The following UBAP2 variants were observed in gnomAD, a reference collection of about 807,000 sequenced individuals.
UBAP2 encodes ubiquitin associated protein 2, also known as ubiquitin-associated protein 2.
Under a neutral mutation model 139.6 loss-of-function variants are expected in UBAP2, and 75 were observed. The ratio of observed to expected loss-of-function variants is 0.54; its 90% CI spans 0.45 to 0.65. The LOEUF (loss-of-function observed/expected upper bound fraction) is 0.65, where lower values mean the gene tolerates loss of function less well. Among genes scored for constraint, UBAP2 ranks in the 30% least tolerant of loss-of-function variants. UBAP2 has a pLI of 0.00. For missense variants in UBAP2, 1,368 were observed against 1,369.6 expected (o/e 1.00, Z 0.02); for synonymous variants, 526 against 526.2 (o/e 1.00, Z 0.01).
chr9:33,922,974 T>A lies in UBAP2; in HGVS notation c.3064A>T (p.Lys1022Ter). The change falls in exon 27 of 29, where the codon AAG (lysine) becomes TAG (stop). Residue 1022 changes from lysine (K) to a stop codon, truncating the protein, a stop_gained. Coordinates refer to ENST00000379238, the MANE Select transcript of UBAP2 (RefSeq NM_001370062.2). LOFTEE classifies it high-confidence loss of function. ...CCACCTTTGTCCCTCACCTGTGTCT[T>A]ATTGTAGACAGAACCAGTCATATCA... ...LPDMTGSVYN[K>*]TQTFDKQGFH... 1 of 1,614,144 alleles carries A rather than the reference T, an allele frequency of 6.2e-7. No individual in the cohort carries two copies. The highest frequency in any genetic ancestry group is 8.5e-7 in the Non-Finnish European group (1 of 1,180,000).
At chr9:33,978,523 A>G (rs1332827131) in intron 6 of UBAP2, among the ~76,000 whole-genome samples, 1 of 152,214 alleles carries the variant, frequency 6.6e-6, no homozygotes, top group East Asian at 1.9e-4. Flanking sequence ...CTGTAATCCT[A>G]GCACTTTACG....
Position 33,980,555 on chromosome 9 carries a change from T to C in UBAP2, c.520+6205A>G, listed in dbSNP as rs575324141. Among the ~76,000 whole-genome samples the C allele has an allele frequency of 3.3e-3, 508 of 152,130 alleles. 7 individuals carry two copies. The highest frequency in any genetic ancestry group is 0.012 in the African/African-American group (490 of 41,532). On this transcript the variant is annotated intron_variant, in intron 6 of 28. Transcript: ENST00000379238. ...CGCACCCGGCGAGCGTCATTTCTAA[T>C]ACATAAACACACTCAACTACAGCAA... is the stretch of plus-strand genomic sequence containing the variant.
chr9:34,023,232 A>AT (rs1244480592), intron 1 of UBAP2, among the ~76,000 whole-genome samples: 1 of 152,022 alleles, frequency 6.6e-6, no homozygotes, highest in Non-Finnish European at 1.5e-5. Context: ...AAAAAAAAAA[A>AT]AAGAAAGAAA....
rs562051071 is a variant in UBAP2, at chr9:33,945,662, A to T, written c.1271-1023T>A. Among the ~76,000 whole-genome samples, 4 of 152,324 alleles carry T rather than the reference A, an allele frequency of 2.6e-5. No homozygotes were observed. In the South Asian group the frequency reaches 8.3e-4, roughly 32 times the overall value. On this transcript the variant is annotated intron_variant, in intron 13 of 28. Coordinates refer to ENST00000379238, the MANE Select transcript of UBAP2 (RefSeq NM_001370062.2). ...ACTATATCACAATATATATAGACAGACAGACAGACAGACATATATATACAC... is the reference window on the plus strand; with the variant it reads ...ACTATATCACAATATATATAGACAGTCAGACAGACAGACATATATATACAC...
chr9:34,034,875 C>A (rs1785508), intron 1 of UBAP2, among the ~76,000 whole-genome samples: 146,973 of 151,962 alleles, frequency 0.97, 71,161 homozygotes, highest in Non-Finnish European at 1. Context: ...AATCTCAAAA[C>A]AAACAAACAA....
At position 33,972,510 on chromosome 9, in the gene UBAP2, C is replaced by G. The variant is rs187126580; in HGVS notation, c.575+673G>C. ...AAGGCATTAACACCAAGAGTGCTGC[C>G]TGAAGTTAGAGAGAGACAAAGGGCT... On this transcript the variant is annotated intron_variant, in intron 7 of 28. Transcript: ENST00000379238. 7.9e-5 allele frequency among the ~76,000 whole-genome samples: 12 copies of G among 152,300 alleles called. No individual in the cohort carries two copies. The East Asian group carries it at 2.1e-3, about 27-fold the overall frequency.
intron 2 of UBAP2, among the ~76,000 whole-genome samples, chr9:34,016,281 AGAG>A (rs1261847573): frequency 0.11 from 2,461 of 23,374 alleles, 90 homozygotes; most frequent in Non-Finnish European, 0.16. Flanking sequence ...AGAAGGAGGA[AGAG>A]GAGGAGGAGG....
intron 18 of UBAP2, 148 bp from the exon 19 acceptor site, chr9:33,932,776 C>G: frequency 1.2e-6 from 1 of 817,036 alleles, no homozygotes; most frequent in South Asian, 1.7e-5. Flanking sequence ...CTTATCCCCA[C>G]AGAGCCCAGT....
chr9:33,941,806 G>C lies in UBAP2; in HGVS notation c.1772C>G (p.Thr591Arg). 6.2e-7 allele frequency: 1 copy of C among 1,613,788 alleles called. No individual in the cohort carries two copies. Among genetic ancestry groups the C allele is most frequent in the Non-Finnish European group, 8.5e-7 (1 of 1,179,888 alleles). Reference protein sequence around the residue: ...MTSAVQNSTYTTSVITSCSLT... With the variant: ...MTSAVQNSTYRTSVITSCSLT... The stretch of plus-strand genomic sequence containing the variant: ...ACTGCAGGAGGTAATGACGGAAGTT[G>C]TATATGTGGAGTTCTGTACTGCACT... The change falls in exon 16 of 29, where the codon ACA (threonine) becomes AGA (arginine). Residue 591 changes from threonine (T) to arginine (R), a missense_variant. Physicochemically the swap from Thr to Arg is moderately conservative, Grantham distance 71. Coordinates refer to ENST00000379238, the MANE Select transcript of UBAP2 (RefSeq NM_001370062.2).
chr9:33,963,770 T>C lies in UBAP2; in HGVS notation c.701A>G (p.Asn234Ser), dbSNP rs201395688. The change falls in exon 9 of 29, where the codon AAC becomes AGC. Residue 234 changes from asparagine to serine, a missense_variant. By Grantham distance (46) the Asn-to-Ser change is conservative. Coordinates refer to ENST00000379238, the MANE Select transcript of UBAP2 (RefSeq NM_001370062.2). ...EGTELASNTH[N>S]IAQDLSNKSS... The stretch of plus-strand genomic sequence containing the variant: ...TTTGTTTGACAGATCCTGAGCTATG[T>C]TGTGAGTATTTGATGCCAGTTCTGT... 304 of 1,612,502 alleles carry C rather than the reference T, an allele frequency of 1.9e-4. No individual in the cohort carries two copies. The highest frequency in any genetic ancestry group is 2.0e-4 in the Non-Finnish European group (235 of 1,178,858).
intron 8 of UBAP2, among the ~76,000 whole-genome samples, chr9:33,964,717 A>G (rs575455412): frequency 1.3e-5 from 2 of 152,254 alleles, no homozygotes; most frequent in African/African-American, 4.8e-5. Flanking sequence ...ATCTCTTAAA[A>G]AAAAAAGAAG....
At chr9:33,923,127 G>C in intron 26 of UBAP2, 59 bp downstream of exon 26, 3 of 1,607,256 alleles carry the variant, frequency 1.9e-6, no homozygotes, top group Non-Finnish European at 2.6e-6. Flanking sequence ...GCCTGAGAGG[G>C]GATCAGGCAG....
intron 1 of UBAP2, among the ~76,000 whole-genome samples, chr9:34,025,242 C>T (rs772433207): frequency 2.0e-5 from 3 of 152,140 alleles, no homozygotes; most frequent in Non-Finnish European, 4.4e-5. Context: ...ACCCAGTTGC[C>T]AGACCATAGG....
At chr9:33,923,619 G>A (rs1273241487) in intron 24 of UBAP2, 141 bp from the exon 25 acceptor site, 5 of 1,050,650 alleles carry the variant, frequency 4.8e-6, no homozygotes, top group Non-Finnish European at 2.9e-6. Context: ...AACACATGCT[G>A]GATCTAAACA....
intron 6 of UBAP2, among the ~76,000 whole-genome samples, chr9:33,974,655 T>A (rs1828160328): frequency 6.7e-6 from 1 of 150,134 alleles, no homozygotes; most frequent in South Asian, 2.1e-4. Flanking sequence ...AAATACTCCA[T>A]TCAAAATGGG....
At chr9:33,967,890 G>T (rs966574542) in intron 8 of UBAP2, among the ~76,000 whole-genome samples, 1 of 152,148 alleles carries the variant, frequency 6.6e-6, no homozygotes, top group African/African-American at 2.4e-5. Context: ...TGATAAACTT[G>T]TCTCTTTGAT....
rs938508094 is a variant in UBAP2, at chr9:34,016,901, C to T, written c.99+149G>A. 4.3e-5 allele frequency: 27 copies of T among 633,866 alleles called. No individual in the cohort carries two copies. The African/African-American group carries it at 4.3e-4, about 10-fold the overall frequency. 39.3% of individuals were successfully genotyped at this position (633,866 alleles called of 1,614,324 possible). A position where few individuals can be genotyped will look rare whatever the true frequency, so the allele number is the denominator to read the frequency against. ...AAAGGGTCCAAAATCCTAAAGTTTC[C>T]TACAAAGGAAAACATTAAATCATAT... On this transcript the variant is annotated intron_variant, in intron 2 of 28. Transcript: ENST00000379238.
chr9:34,017,278 A>T, intron 1 of UBAP2, 89 bp from the exon 2 acceptor site: 1 of 532,794 alleles, frequency 1.9e-6, no homozygotes, highest in Non-Finnish European at 3.1e-6. Flanking sequence ...ACAATAAAAG[A>T]TAAAAGCTCT....
intron 1 of UBAP2, among the ~76,000 whole-genome samples, chr9:34,020,671 T>A (rs1028877086): frequency 5.9e-5 from 9 of 151,510 alleles, no homozygotes; most frequent in African/African-American, 1.9e-4. Flanking sequence ...TTCCTTTTTT[T>A]TTTTTTGAGA....
Sources: gnomAD v4.1 joint callset for allele counts (sites outside exome capture counted in the v4.1 genomes callset) on GRCh38, gnomAD v4.1.1 for gene constraint, MANE v1.5 for transcripts, NCBI Gene and HGNC (gene_info 2026-07-23, HGNC 2026-07-21) for gene names.